Variants in CPXM1 observed in about 807,000 individuals in gnomAD.
The protein encoded by CPXM1 is probable carboxypeptidase X1.
CPXM1 carries 72 observed loss-of-function variants against 80.4 expected under a neutral mutation model. The observed-to-expected ratio is 0.90, with a 90% CI of 0.74 to 1.09. CPXM1 has a LOEUF of 1.09. Among genes scored for constraint, CPXM1 ranks in the 50% least tolerant of loss-of-function variants. The pLI is 0.00. For missense variants in CPXM1, 892 were observed against 999.4 expected, an observed-to-expected ratio of 0.89 and a Z score of 1.45; for synonymous variants, 403 against 405.6, an observed-to-expected ratio of 0.99 and a Z score of 0.08.
Position 2,794,075 on chromosome 20 carries a change from A to AAGGT in CPXM1, c.*111_*114dup. On this transcript the variant is annotated 3_prime_UTR_variant, in exon 14 of 14. Coordinates refer to ENST00000380605, the MANE Select transcript of CPXM1 (RefSeq NM_019609.5). The surrounding 1 kb of genome is among the most constrained non-coding windows in gnomAD (Gnocchi z 5.2). ...CACAGAGACAACACGAAGATGAGCT[A>AAGGT]AGGTGCCCGGTAGCTTTAATGAGCA... is the stretch of plus-strand genomic sequence containing the variant. 1 of 1,414,272 alleles carries AAGGT rather than the reference A, an allele frequency of 7.1e-7. No homozygotes were observed. Among genetic ancestry groups the AAGGT allele is most frequent in the Non-Finnish European group, 9.5e-7 (1 of 1,050,050 alleles). 87.6% of individuals were successfully genotyped at this position (1,414,272 alleles called of 1,614,324 possible). A position where few individuals can be genotyped will look rare whatever the true frequency, so the allele number is the denominator to read the frequency against.
chr20:2,796,251 T>G lies in CPXM1; in HGVS notation c.1238A>C (p.His413Pro). The stretch of plus-strand genomic sequence containing the variant: ...CCCTCATGCTGGGTGGCCTACCCGG[T>G]GGTAGGCGATCTCATAGCCATCAGG... ...MNPDGYEIAY[H>P]RGSELVGWAE... Residue 413 changes from histidine to proline, a missense_variant, in exon 9 of 14, where the codon CAC becomes CCC. This residue lies in a region of CPXM1 where 874 missense variants were observed against 958.4 expected (regional missense o/e 0.91). Coordinates refer to ENST00000380605, the MANE Select transcript of CPXM1 (RefSeq NM_019609.5). The surrounding 1 kb of genome is among the most constrained non-coding windows in gnomAD (Gnocchi z 6.8). 1 of 1,613,070 alleles carries G rather than the reference T, an allele frequency of 6.2e-7. No homozygotes were observed. The highest frequency in any genetic ancestry group is 8.5e-7 in the Non-Finnish European group (1 of 1,179,500).
Position 2,796,119 on chromosome 20 carries a change from G to T in CPXM1, c.1285C>A (p.Gln429Lys). Residue 429 changes from glutamine to lysine, a missense_variant, in exon 10 of 14, where the codon CAG becomes AAG. Coordinates refer to ENST00000380605, the MANE Select transcript of CPXM1 (RefSeq NM_019609.5). This position sits in a 1 kb window ranked among gnomAD's most constrained non-coding sequence, Gnocchi z 6.8. Reference sequence around the variant, plus strand: ...AAATTATGGTTAAGATCGATGCTCTGGTTGTTCCAGCGGCCCTCGGCCCAG... The same window carrying T: ...AAATTATGGTTAAGATCGATGCTCTTGTTGTTCCAGCGGCCCTCGGCCCAG... Reference protein sequence around the residue: ...VGWAEGRWNNQSIDLNHNFAD... With the variant: ...VGWAEGRWNNKSIDLNHNFAD... 1 of 1,613,642 alleles carries T rather than the reference G, an allele frequency of 6.2e-7. No individual in the cohort carries two copies. The highest frequency in any genetic ancestry group is 1.1e-5 in the South Asian group (1 of 90,996).
At position 2,798,448 on chromosome 20, in the gene CPXM1, G is replaced by A. The variant is rs1448186605; in HGVS notation, c.430C>T (p.Arg144Ter). 6 of 1,613,862 alleles carry A rather than the reference G, an allele frequency of 3.7e-6. No homozygotes were observed. Among genetic ancestry groups the A allele is most frequent in the South Asian group, 2.2e-5 (2 of 91,058 alleles). Residue 144 changes from arginine (R) to a stop codon, truncating the protein, a stop_gained, in exon 3 of 14, where the codon CGA becomes TGA. Transcript: ENST00000380605. LOFTEE classifies it high-confidence loss of function. ...SSQSFGLGPH[R>*]GRLNIQSGLE... ...CTGACCTGAATGTTGAGCCGTCCTC[G>A]GTGTGGTCCAAGACCAAAGGACTGG...
intron 1 of CPXM1, among the ~76,000 whole-genome samples, chr20:2,799,691 C>G (rs1310434196): frequency 6.6e-6 from 1 of 152,178 alleles, no homozygotes; most frequent in African/African-American, 2.4e-5. Context: ...CTAGAAGCCC[C>G]TGAGTGCCCT....
At chr20:2,800,216 T>C (rs1379899056) in intron 1 of CPXM1, among the ~76,000 whole-genome samples, 185 bp downstream of exon 1, 1 of 150,082 alleles carries the variant, frequency 6.7e-6, no homozygotes, top group East Asian at 2.0e-4. Context: ...TGCGCGTGTG[T>C]GAATGTGTGT....
rs771539268 is a variant in CPXM1 at position 2,796,129 on chromosome 20, G to T, written c.1275C>A (p.Arg425=). 1.2e-6 allele frequency: 2 copies of T among 1,612,506 alleles called. No homozygotes were observed. Among genetic ancestry groups the T allele is most frequent in the East Asian group, 4.5e-5 (2 of 44,886 alleles). ...GSELVGWAEG[R]WNNQSIDLNH... is the part of the protein sequence containing the mutation. ...TAAGATCGATGCTCTGGTTGTTCCA[G>T]CGGCCCTCGGCCCAGCCCACCAGCT... Residue 425 remains arginine (R), a synonymous_variant, in exon 10 of 14, where the codon CGC becomes CGA. Coordinates refer to ENST00000380605, the MANE Select transcript of CPXM1 (RefSeq NM_019609.5). The surrounding 1 kb of genome is among the most constrained non-coding windows in gnomAD (Gnocchi z 6.8).
In CPXM1 at chr20:2,798,422, A is replaced by G. The variant is rs777705472; in HGVS notation, c.450+6T>C. ...GAGACCATGGCTCCGAGCCAGGATT[A>G]CTGACCTGAATGTTGAGCCGTCCTC... On this transcript the variant is annotated splice_donor_region_variant and intron_variant, in intron 3 of 13. Coordinates refer to ENST00000380605, the MANE Select transcript of CPXM1 (RefSeq NM_019609.5). The G allele has an allele frequency of 6.2e-7, 1 of 1,611,422 alleles. No individual in the cohort carries two copies. Among genetic ancestry groups the G allele is most frequent in the Non-Finnish European group, 8.5e-7 (1 of 1,178,264 alleles).
rs1192211234 is a variant in CPXM1, at chr20:2,795,231, A to C, written c.1860+46T>G. 1 of 1,599,992 alleles carries C rather than the reference A, an allele frequency of 6.3e-7. No homozygotes were observed. Among genetic ancestry groups the C allele is most frequent in the Admixed American group, 1.7e-5 (1 of 59,516 alleles). On this transcript the variant is annotated intron_variant, in intron 12 of 13. Transcript: ENST00000380605. This position sits in a 1 kb window ranked among gnomAD's most constrained non-coding sequence, Gnocchi z 5.4. ...GGTAGGAGCTGTAGCCTAAATGGAC[A>C]GCAGGAGTGATTCAGGCAGGCTGGG... is the stretch of plus-strand genomic sequence containing the variant.
chr20:2,796,916 G>A lies in CPXM1; in HGVS notation c.921+90C>T. On this transcript the variant is annotated intron_variant, in intron 7 of 13. Transcript: ENST00000380605. The surrounding 1 kb of genome is among the most constrained non-coding windows in gnomAD (Gnocchi z 6.8). ...GAGGCAGCAGGGGCATACAAGCGCA[G>A]TCACAGCAGGTTGTGCCCCGGTGGG... 1 of 1,255,654 alleles carries A rather than the reference G, an allele frequency of 8.0e-7. No homozygotes were observed. The highest frequency in any genetic ancestry group is 1.2e-6 in the Non-Finnish European group (1 of 867,914). The allele number at this position is 1,255,654 out of a possible 1,614,324, so 77.8% of individuals were successfully genotyped here.
intron 1 of CPXM1, among the ~76,000 whole-genome samples, chr20:2,800,119 CGCGCGTGCACTGTGTGT>C (rs1265222948): frequency 1.8e-5 from 2 of 114,094 alleles, no homozygotes; most frequent in East Asian, 9.5e-4. Flanking sequence ...TGAGTGTGCG[CGCGCGTGCACTGTGTGT>C]GCGCGCACGC....
At chr20:2,800,079 G>C (rs1338133497) in intron 1 of CPXM1, among the ~76,000 whole-genome samples, 1 of 151,944 alleles carries the variant, frequency 6.6e-6, no homozygotes, top group Non-Finnish European at 1.5e-5. Flanking sequence ...GGGAGTGTGA[G>C]TGTGTATATG....
intron 2 of CPXM1, 42 bp from the exon 3 acceptor site, chr20:2,798,579 G>T: frequency 6.3e-7 from 1 of 1,582,204 alleles, no homozygotes; most frequent in Non-Finnish European, 8.7e-7. Flanking sequence ...CAGAGGGAGG[G>T]TAGCCAGGGC....
chr20:2,794,352 C>G lies in CPXM1; in HGVS notation c.2043G>C (p.Val681=), dbSNP rs769677313. 1 of 1,614,184 alleles carries G rather than the reference C, an allele frequency of 6.2e-7. No individual in the cohort carries two copies. The highest frequency in any genetic ancestry group is 8.5e-7 in the Non-Finnish European group (1 of 1,180,034). The part of the protein sequence containing the change: ...VTASAEGYHS[V]TRNCRVTFEE... ...CAAAGGTGACCCGACAGTTCCGTGTCACTGAATGGTAGCCCTCGGCACTGG... is the reference window on the plus strand; with the variant it reads ...CAAAGGTGACCCGACAGTTCCGTGTGACTGAATGGTAGCCCTCGGCACTGG... The change falls in exon 14 of 14, where the codon GTG becomes GTC. Residue 681 remains valine (V), a synonymous_variant. Transcript: ENST00000380605. The surrounding 1 kb of genome is among the most constrained non-coding windows in gnomAD (Gnocchi z 5.2).
At position 2,797,212 on chromosome 20, in the gene CPXM1, ATC is replaced by A. The variant is rs2088519537; in HGVS notation, c.810_811del (p.Glu270AspfsTer11). On this transcript the variant is annotated frameshift_variant, in exon 6 of 14. Coordinates refer to ENST00000380605, the MANE Select transcript of CPXM1 (RefSeq NM_019609.5). LOFTEE classifies it high-confidence loss of function. ...CCCACCTGAGACTGGGCAGGCCAGG[ATC>A]TCTGCCCGGAGGCAAGGCGCGCCTC... The A allele has an allele frequency of 5.7e-6, 9 of 1,584,652 alleles. No homozygotes were observed. In the South Asian group the frequency reaches 1.0e-4, roughly 18 times the overall value.
At position 2,798,741 on chromosome 20, in the gene CPXM1, C is replaced by T. The variant is rs200410458; in HGVS notation, c.325G>A (p.Glu109Lys). The change falls in exon 2 of 14, where the codon GAG (glutamate) becomes AAG (lysine). Residue 109 changes from glutamate (E) to lysine (K), a missense_variant. By Grantham distance (56) the Glu-to-Lys change is moderately conservative (BLOSUM62 1). Coordinates refer to ENST00000380605, the MANE Select transcript of CPXM1 (RefSeq NM_019609.5). ...GAGGAAGTACCTGTTTCTTGTTTCT[C>T]AGCGGGGTCGAGGGTCCCTGCTGGA... ...PTPAGTLDPA[E>K]KQETGCPPLG... is the part of the protein sequence containing the mutation. 5 of 1,612,184 alleles carry T rather than the reference C, an allele frequency of 3.1e-6. No individual in the cohort carries two copies. The highest frequency in any genetic ancestry group is 1.1e-5 in the South Asian group (1 of 90,888).
At position 2,797,955 on chromosome 20, in the gene CPXM1, T is replaced by G. The variant is rs767540902; in HGVS notation, c.681+13A>C. 2 of 1,613,026 alleles carry G rather than the reference T, an allele frequency of 1.2e-6. No individual in the cohort carries two copies. The highest frequency in any genetic ancestry group is 1.1e-5 in the South Asian group (1 of 91,014). On this transcript the variant is annotated intron_variant, in intron 5 of 13. Coordinates refer to ENST00000380605, the MANE Select transcript of CPXM1 (RefSeq NM_019609.5). ...CCCAGCATGGAGGCCCCAGCCACAG[T>G]GGGACCACTCACTGCGTCCATCCCA...
chr20:2,794,346 C>A lies in CPXM1; in HGVS notation c.2049G>T (p.Arg683=). ...CCTCTTCAAAGGTGACCCGACAGTT[C>A]CGTGTCACTGAATGGTAGCCCTCGG... is the stretch of plus-strand genomic sequence containing the variant. ...ASAEGYHSVT[R]NCRVTFEEGP... Residue 683 remains arginine (R), a synonymous_variant, in exon 14 of 14, where the codon CGG becomes CGT. Coordinates refer to ENST00000380605, the MANE Select transcript of CPXM1 (RefSeq NM_019609.5). This position sits in a 1 kb window ranked among gnomAD's most constrained non-coding sequence, Gnocchi z 5.2. 1 of 1,614,176 alleles carries A rather than the reference C, an allele frequency of 6.2e-7. No individual in the cohort carries two copies. The highest frequency in any genetic ancestry group is 8.5e-7 in the Non-Finnish European group (1 of 1,180,038).
Position 2,798,442 on chromosome 20 carries a change from G to A in CPXM1, c.436C>T (p.Arg146Trp), listed in dbSNP as rs573430362. The A allele has an allele frequency of 7.9e-5, 127 of 1,613,652 alleles. No individual in the cohort carries two copies. Among genetic ancestry groups the A allele is most frequent in the Non-Finnish European group, 9.7e-5 (115 of 1,179,734 alleles). Residue 146 changes from arginine to tryptophan, a missense_variant, in exon 3 of 14, where the codon CGG (arginine) becomes TGG (tryptophan). Coordinates refer to ENST00000380605, the MANE Select transcript of CPXM1 (RefSeq NM_019609.5). ...QSFGLGPHRG[R>W]LNIQSGLEDG... ...GGATTACTGACCTGAATGTTGAGCC[G>A]TCCTCGGTGTGGTCCAAGACCAAAG...
Position 2,799,133 on chromosome 20 carries a change from C to T in CPXM1, c.173-240G>A, listed in dbSNP as rs116360618. Among the ~76,000 whole-genome samples, 1,168 of 152,252 alleles carry T rather than the reference C, an allele frequency of 7.7e-3. 21 individuals carry two copies. The highest frequency in any genetic ancestry group is 0.027 in the African/African-American group (1,116 of 41,530). On this transcript the variant is annotated intron_variant, in intron 1 of 13. Transcript: ENST00000380605. ...TGCTTGGCCAGCCTCCCCTGTGAAC[C>T]TCTAATCCAATGGAGAGCTGCACCC...
Sources: gnomAD v4.1 joint callset for allele counts (sites outside exome capture counted in the v4.1 genomes callset) on GRCh38, gnomAD v4.1.1 for gene constraint, gnomAD v4.1.1 regional missense constraint, Gnocchi (gnomAD v3.1) non-coding constraint, MANE v1.5 for transcripts, NCBI Gene and HGNC (gene_info 2026-07-23, HGNC 2026-07-21) for gene names.